The following RASAL2 variants were observed in gnomAD, a reference collection of about 807,000 sequenced individuals.
The protein encoded by RASAL2 is ras GTPase-activating protein nGAP.
A neutral mutation model predicts 128.9 loss-of-function variants in RASAL2; 58 were observed. That is an observed-to-expected ratio of 0.45 (90% CI 0.36 to 0.56). The LOEUF is 0.56. RASAL2 is among the 20% of genes least tolerant of loss of function. The pLI is 0.00. For missense variants in RASAL2, 1,360 were observed against 1,601.6 expected, an observed-to-expected ratio of 0.85 and a Z score of 2.57; for synonymous variants, 561 against 580.8, an observed-to-expected ratio of 0.97 and a Z score of 0.49.
intron 1 of RASAL2, among the ~76,000 whole-genome samples, chr1:178,162,989 A>G (rs2101898201): frequency 6.6e-6 from 1 of 151,486 alleles, no homozygotes; most frequent in East Asian, 2.0e-4. Context: ...TTTATTTTCC[A>G]AGAAAGAGTC....
At chr1:178,121,817 C>T (rs1397748095) in intron 1 of RASAL2, among the ~76,000 whole-genome samples, 1 of 152,130 alleles carries the variant, frequency 6.6e-6, no homozygotes, top group East Asian at 1.9e-4. Flanking sequence ...TTTCCCCCAA[C>T]CCTGAACCTC....
chr1:178,132,717 T>A (rs1249799791), intron 1 of RASAL2, among the ~76,000 whole-genome samples: 1 of 152,056 alleles, frequency 6.6e-6, no homozygotes, highest in Non-Finnish European at 1.5e-5. Context: ...GTACCATAAC[T>A]GATTTGTATG....
At chr1:178,355,568 G>A (rs1309523682) in intron 3 of RASAL2, among the ~76,000 whole-genome samples, 1 of 151,946 alleles carries the variant, frequency 6.6e-6, no homozygotes, top group Admixed American at 6.6e-5. Flanking sequence ...CATGACCTGA[G>A]GATAAAGAAG....
chr1:178,235,931 G>A (rs10913521), intron 1 of RASAL2, among the ~76,000 whole-genome samples: 1,547 of 152,212 alleles, frequency 0.01, 22 homozygotes, highest in African/African-American at 0.035. Context: ...ATTTATAGGC[G>A]AGAGCTAGTA....
chr1:178,240,392 A>G (rs1664447844), intron 1 of RASAL2, among the ~76,000 whole-genome samples: 2 of 152,058 alleles, frequency 1.3e-5, no homozygotes, highest in Admixed American at 6.6e-5. Flanking sequence ...TTCAGATGTT[A>G]GTGTTTATTG....
chr1:178,342,776 A>T (rs541355626), intron 3 of RASAL2, among the ~76,000 whole-genome samples: 1 of 152,338 alleles, frequency 6.6e-6, no homozygotes, highest in African/African-American at 2.4e-5. Context: ...AATATAAGAT[A>T]ATATTTTAAA....
chr1:178,162,434 T>C (rs1257480963), intron 1 of RASAL2, among the ~76,000 whole-genome samples: 2 of 120,702 alleles, frequency 1.7e-5, no homozygotes, highest in Admixed American at 1.1e-4. Context: ...TATATATATT[T>C]TATATATAAT....
At chr1:178,266,008 G>T (rs1456584863) in intron 1 of RASAL2, among the ~76,000 whole-genome samples, 1 of 151,972 alleles carries the variant, frequency 6.6e-6, no homozygotes, top group Non-Finnish European at 1.5e-5. Flanking sequence ...TTTACTGTTG[G>T]TTTTTATTTT....
chr1:178,122,840 T>C (rs1483210265), intron 1 of RASAL2, among the ~76,000 whole-genome samples: 4 of 154 alleles, frequency 0.026, no homozygotes, highest in Non-Finnish European at 0.069. Context: ...TACTTTCCAT[T>C]TTTTTTTTTT....
intron 14 of RASAL2, among the ~76,000 whole-genome samples, chr1:178,458,942 G>A (rs78258029): frequency 9.9e-5 from 15 of 152,014 alleles, no homozygotes; most frequent in African/African-American, 3.6e-4. Context: ...CAGAATAAAG[G>A]TTTGCATTCC....
In RASAL2 at chr1:178,451,554, C is replaced by T; in HGVS notation, c.1628-17C>T. The T allele has an allele frequency of 6.2e-7, 1 of 1,611,162 alleles. No individual in the cohort carries two copies. Among genetic ancestry groups the T allele is most frequent in the Non-Finnish European group, 8.5e-7 (1 of 1,178,676 alleles). On this transcript the variant is annotated splice_polypyrimidine_tract_variant and intron_variant, in intron 9 of 17. Coordinates refer to ENST00000367649, the MANE Select transcript of RASAL2 (RefSeq NM_170692.4). Reference sequence around the variant, plus strand: ...ACACTGTTTATAGCTATACCGTTATCTTCTCTCTTCAAATAGGGGAGTTTA... The same window carrying T: ...ACACTGTTTATAGCTATACCGTTATTTTCTCTCTTCAAATAGGGGAGTTTA...
intron 17 of RASAL2, among the ~76,000 whole-genome samples, chr1:178,470,206 G>A (rs952072707): frequency 6.6e-6 from 1 of 152,164 alleles, no homozygotes; most frequent in African/African-American, 2.4e-5. Context: ...ACGTGTTTGG[G>A]GTGAAAGCTT....
intron 5 of RASAL2, among the ~76,000 whole-genome samples, chr1:178,439,087 G>A (rs2102829765): frequency 6.6e-6 from 1 of 152,048 alleles, no homozygotes; most frequent in South Asian, 2.1e-4. Flanking sequence ...TAACCTTAAA[G>A]AGTATATATT....
chr1:178,312,882 T>G (rs750981774), intron 3 of RASAL2, among the ~76,000 whole-genome samples: 2 of 152,218 alleles, frequency 1.3e-5, no homozygotes, highest in Non-Finnish European at 2.9e-5. Context: ...TCTATAGCAC[T>G]TTTTATCATA....
chr1:178,206,123 G>A (rs981030069), intron 1 of RASAL2, among the ~76,000 whole-genome samples: 2 of 152,046 alleles, frequency 1.3e-5, no homozygotes, highest in African/African-American at 4.8e-5. Flanking sequence ...TGTGTACTCT[G>A]TCCTCTCTGA....
chr1:178,430,408 A>G (rs1010946523), intron 5 of RASAL2, among the ~76,000 whole-genome samples: 1 of 152,124 alleles, frequency 6.6e-6, no homozygotes, highest in African/African-American at 2.4e-5. Flanking sequence ...AAAATGCTTT[A>G]TCTTAATAGA....
intron 1 of RASAL2, among the ~76,000 whole-genome samples, chr1:178,099,587 T>A (rs1214286903): frequency 1.3e-5 from 2 of 152,248 alleles, no homozygotes; most frequent in Non-Finnish European, 1.5e-5. Flanking sequence ...AAAATATTTT[T>A]AAGGAATAGA....
At chr1:178,447,854 A>G (rs1677118190) in intron 9 of RASAL2, among the ~76,000 whole-genome samples, 1 of 151,972 alleles carries the variant, frequency 6.6e-6, no homozygotes, top group Non-Finnish European at 1.5e-5. Flanking sequence ...CGAATATTAC[A>G]GAGAATTGTG....
intron 1 of RASAL2, among the ~76,000 whole-genome samples, chr1:178,096,289 A>C (rs924058744): frequency 6.6e-6 from 1 of 152,158 alleles, no homozygotes; most frequent in Non-Finnish European, 1.5e-5. Flanking sequence ...GGGCCATGCT[A>C]TTCTAAGAAT....
Sources: gnomAD v4.1 joint callset for allele counts (sites outside exome capture counted in the v4.1 genomes callset) on GRCh38, gnomAD v4.1.1 for gene constraint, MANE v1.5 for transcripts, NCBI Gene and HGNC (gene_info 2026-07-23, HGNC 2026-07-21) for gene names.